The following SEL1L3 variants were observed in gnomAD, a reference collection of about 807,000 sequenced individuals.
The protein encoded by SEL1L3 is protein sel-1 homolog 3.
Under a neutral mutation model 142.8 loss-of-function variants are expected in SEL1L3, and 76 were observed. The ratio of observed to expected loss-of-function variants is 0.53; its 90% confidence interval spans 0.44 to 0.64. The LOEUF (loss-of-function observed/expected upper bound fraction) is 0.64, where lower values mean the gene tolerates loss of function less well. SEL1L3 is among the 30% of genes least tolerant of loss of function. The pLI, the probability that SEL1L3 is intolerant of heterozygous loss-of-function variation, is 0.00. For synonymous variants in SEL1L3, 504 were observed against 519.6 expected (o/e 0.97, Z 0.41); for missense variants, 1,262 against 1,381.7 (o/e 0.91, Z 1.37).
intron 15 of SEL1L3, 119 bp from the exon 16 acceptor site, chr4:25,779,322 A>G: frequency 8.9e-7 from 1 of 1,125,456 alleles, no homozygotes; most frequent in Non-Finnish European, 1.2e-6. Flanking sequence ...TGATAGCTTT[A>G]AAACCAGGGC....
chr4:25,835,239 C>A lies in SEL1L3; in HGVS notation c.818G>T (p.Arg273Leu). The change falls in exon 3 of 24, where the codon CGA (arginine) becomes CTA (leucine). Residue 273 changes from arginine to leucine, a missense_variant. This residue lies in a region of SEL1L3 where 689 missense variants were observed against 692.8 expected (regional missense o/e 0.99). Coordinates refer to ENST00000399878, the MANE Select transcript of SEL1L3 (RefSeq NM_015187.5). ...CTGGCGTCGAGTGGCCTCCAGCTCT[C>A]GGTTCCGAAACCTCGGGAACTTCTT... ...IVKKFPRFRN[R>L]ELEATRRQRM... 6.2e-7 allele frequency: 1 copy of A among 1,614,002 alleles called. No homozygotes were observed. The highest frequency in any genetic ancestry group is 8.5e-7 in the Non-Finnish European group (1 of 1,179,878).
At chr4:25,773,646 A>C (rs1429894803) in intron 17 of SEL1L3, 1 of 152,124 alleles carries the variant, frequency 6.6e-6, no homozygotes, top group Non-Finnish European at 1.5e-5. Context: ...AAAATGATCA[A>C]TGCCTCCCCA....
At chr4:25,724,629 C>G in the SEL1L3 span, among the ~76,000 whole-genome samples, 1 of 148,660 alleles carries the variant, frequency 6.7e-6, no homozygotes, top group East Asian at 2.0e-4. Flanking sequence ...ATCAGCCACT[C>G]GGGAGGCTGA....
intron 21 of SEL1L3, 192 bp from the exon 22 acceptor site, chr4:25,757,982 A>G: frequency 1.7e-6 from 1 of 590,620 alleles, no homozygotes; most frequent in Non-Finnish European, 3.0e-6. Context: ...CTGAAATTCT[A>G]GAATCCCAGT....
the SEL1L3 span, among the ~76,000 whole-genome samples, chr4:25,742,311 G>A: frequency 1.3e-5 from 2 of 151,724 alleles, no homozygotes; most frequent in Admixed American, 6.6e-5. Context: ...TCAGCCTCCC[G>A]AGTATCTAGG....
At chr4:25,775,921 C>T (rs1719582933) in intron 17 of SEL1L3, among the ~76,000 whole-genome samples, 1 of 151,978 alleles carries the variant, frequency 6.6e-6, no homozygotes, top group Admixed American at 6.6e-5. Flanking sequence ...TTTCTGTGGC[C>T]TGGAAATAAA....
At chr4:25,853,664 C>CTTTTTTT (rs34922528) in intron 1 of SEL1L3, among the ~76,000 whole-genome samples, 42 of 83,034 alleles carry the variant, frequency 5.1e-4, no homozygotes, top group Non-Finnish European at 7.4e-4. Flanking sequence ...CTCTTCTTAC[C>CTTTTTTT]TTTTTTTTTT....
intron 11 of SEL1L3, among the ~76,000 whole-genome samples, chr4:25,801,254 T>A (rs1479109905): frequency 1.6e-4 from 24 of 152,100 alleles, no homozygotes; most frequent in East Asian, 5.8e-4. Context: ...AATAAAAAAA[T>A]TAGCTGGGCA....
the SEL1L3 span, among the ~76,000 whole-genome samples, chr4:25,736,725 T>C: frequency 6.6e-6 from 1 of 152,232 alleles, no homozygotes; most frequent in Non-Finnish European, 1.5e-5. Flanking sequence ...TAAGTTGTTC[T>C]ATTACTGAGA....
At chr4:25,758,674 C>G (rs941109200) in intron 21 of SEL1L3, among the ~76,000 whole-genome samples, 1 of 141,326 alleles carries the variant, frequency 7.1e-6, no homozygotes, top group Non-Finnish European at 1.6e-5. Flanking sequence ...TCTTTTCTTT[C>G]TTTTTTTTTT....
intron 6 of SEL1L3, among the ~76,000 whole-genome samples, chr4:25,827,933 T>C (rs1044728553): frequency 9.9e-5 from 15 of 152,220 alleles, no homozygotes; most frequent in Admixed American, 3.9e-4. Context: ...GGAGATCTGA[T>C]CTCCAAAGCT....
At chr4:25,769,898 C>A (rs924847613) in intron 17 of SEL1L3, among the ~76,000 whole-genome samples, 1 of 152,006 alleles carries the variant, frequency 6.6e-6, no homozygotes, top group Non-Finnish European at 1.5e-5. Context: ...GAGGGTGAGG[C>A]GGGAAGATCG....
chr4:25,854,425 G>A (rs1577702710), intron 1 of SEL1L3, among the ~76,000 whole-genome samples: 3 of 152,168 alleles, frequency 2.0e-5, no homozygotes, highest in Non-Finnish European at 2.9e-5. Flanking sequence ...CTACAGGCAC[G>A]TGCCACCACA....
chr4:25,837,098 C>G (rs1457912447), intron 2 of SEL1L3, among the ~76,000 whole-genome samples: 32 of 151,694 alleles, frequency 2.1e-4, no homozygotes, highest in Admixed American at 2.1e-3. Flanking sequence ...AATTTGAGCT[C>G]AATTTGGGCC....
chr4:25,821,946 C>T lies in SEL1L3; in HGVS notation c.1290+50G>A, dbSNP rs1230227521. The T allele has an allele frequency of 5.7e-6, 9 of 1,588,804 alleles. 1 individual carries two copies. In the South Asian group the frequency reaches 1.0e-4, roughly 18 times the overall value. ...CACTGGGTGGCACACCCCTGAGGCCCACACCCATCACCCAGGAGTACCGCA... is the reference window on the plus strand; with the variant it reads ...CACTGGGTGGCACACCCCTGAGGCCTACACCCATCACCCAGGAGTACCGCA... On this transcript the variant is annotated intron_variant, in intron 7 of 23. Coordinates refer to ENST00000399878, the MANE Select transcript of SEL1L3 (RefSeq NM_015187.5).
intron 6 of SEL1L3, among the ~76,000 whole-genome samples, chr4:25,825,594 T>C (rs1715036365): frequency 1.3e-5 from 2 of 152,036 alleles, no homozygotes; most frequent in Admixed American, 6.6e-5. Flanking sequence ...GAGCTTCAAA[T>C]TGGCTGCCCC....
intron 1 of SEL1L3, among the ~76,000 whole-genome samples, chr4:25,850,787 G>A (rs530994535): frequency 1.6e-4 from 25 of 152,144 alleles, no homozygotes; most frequent in South Asian, 8.3e-4. Flanking sequence ...TGGAATGATC[G>A]CAAAGGGTTT....
chr4:25,751,228 C>T (rs1375821591), intron 23 of SEL1L3, among the ~76,000 whole-genome samples: 8 of 152,048 alleles, frequency 5.3e-5, no homozygotes. Context: ...TTGGTGTACC[C>T]TCCCAAAGAG....
Position 25,804,704 on chromosome 4 carries a change from A to C in SEL1L3, c.1613T>G (p.Phe538Cys), listed in dbSNP as rs1295753446. The part of the protein sequence containing the change: ...ESVSEIGGKI[F>C]EKAVKRLSSI... ...AGAGAGTCTCTTTACAGCCTTCTCA[A>C]ATATCTTCCCACCGATTTCTGATAC... is the stretch of plus-strand genomic sequence containing the variant. The change falls in exon 10 of 24, where the codon TTT becomes TGT. Residue 538 changes from phenylalanine to cysteine, a missense_variant. By Grantham distance (205) the Phe-to-Cys change is radical. Around this residue, in one of 3 missense-constraint regions of SEL1L3, gnomAD observed 689 missense variants for 692.8 expected, o/e 0.99. Coordinates refer to ENST00000399878, the MANE Select transcript of SEL1L3 (RefSeq NM_015187.5). 1 of 1,613,806 alleles carries C rather than the reference A, an allele frequency of 6.2e-7. No homozygotes were observed. Among genetic ancestry groups the C allele is most frequent in the African/African-American group, 1.3e-5 (1 of 74,920 alleles).
Sources: gnomAD v4.1 joint callset for allele counts (sites outside exome capture counted in the v4.1 genomes callset) on GRCh38, gnomAD v4.1.1 for gene constraint, gnomAD v4.1.1 regional missense constraint, MANE v1.5 for transcripts, NCBI Gene and HGNC (gene_info 2026-07-23, HGNC 2026-07-21) for gene names.